The following GPR158 variants were observed in gnomAD, a reference collection of about 807,000 sequenced individuals.
The protein encoded by GPR158 is G protein-coupled receptor 158.
A neutral mutation model predicts 78.2 loss-of-function variants in GPR158; 30 were observed. That is an observed-to-expected ratio of 0.38 (90% CI 0.29 to 0.52). GPR158 has a LOEUF of 0.52. Among genes scored for constraint, GPR158 ranks in the 20% least tolerant of loss-of-function variants. The pLI is 0.83. For missense variants in GPR158, 1,463 were observed against 1,523.5 expected, an observed-to-expected ratio of 0.96 and a Z score of 0.66; for synonymous variants, 581 against 591.1, an observed-to-expected ratio of 0.98 and a Z score of 0.25.
intron 4 of GPR158, among the ~76,000 whole-genome samples, chr10:25,429,081 A>G (rs1411584816): frequency 6.6e-6 from 1 of 152,042 alleles, no homozygotes; most frequent in Non-Finnish European, 1.5e-5. Context: ...CAGGGTTTCT[A>G]CAGAGGATGA....
At chr10:25,254,061 T>G (rs1853854913) in intron 2 of GPR158, among the ~76,000 whole-genome samples, 1 of 152,314 alleles carries the variant, frequency 6.6e-6, no homozygotes, top group Admixed American at 6.5e-5. Context: ...TACAATTCCC[T>G]TATGGATCAT....
chr10:25,547,013 A>G (rs1171219397), intron 5 of GPR158, among the ~76,000 whole-genome samples: 3 of 152,192 alleles, frequency 2.0e-5, no homozygotes, highest in Non-Finnish European at 4.4e-5. Context: ...ACTTTTTCCT[A>G]AGAGTATTGA....
intron 5 of GPR158, among the ~76,000 whole-genome samples, chr10:25,517,619 A>G (rs1025169662): frequency 2.0e-5 from 3 of 152,168 alleles, no homozygotes; most frequent in Admixed American, 6.5e-5. Flanking sequence ...TTCTGCATCT[A>G]TTGAGATAAT....
intron 5 of GPR158, among the ~76,000 whole-genome samples, chr10:25,512,979 T>C (rs1437972506): frequency 2.0e-5 from 3 of 152,034 alleles, no homozygotes; most frequent in African/African-American, 7.2e-5. Flanking sequence ...CAGGGATATT[T>C]GTCTGTAGTT....
intron 2 of GPR158, among the ~76,000 whole-genome samples, chr10:25,297,685 T>G (rs528257182): frequency 6.6e-6 from 1 of 152,338 alleles, no homozygotes; most frequent in Admixed American, 6.5e-5. Context: ...GTTTAGTTAC[T>G]AGGCAACATA....
intron 5 of GPR158, among the ~76,000 whole-genome samples, chr10:25,474,818 T>G (rs1267935246): frequency 6.6e-6 from 1 of 152,132 alleles, no homozygotes; most frequent in Non-Finnish European, 1.5e-5. Context: ...ACTGTCCTGT[T>G]GAAGCACCCT....
chr10:25,240,504 G>A (rs552083094), intron 2 of GPR158, among the ~76,000 whole-genome samples: 5 of 152,188 alleles, frequency 3.3e-5, no homozygotes, highest in African/African-American at 1.2e-4. Context: ...ATCTCAAAGA[G>A]GTCACTTTGA....
At position 25,598,599 on chromosome 10, in the gene GPR158, C is replaced by T. The variant is rs376773343; in HGVS notation, c.2973C>T (p.Asn991=). 265 of 1,613,898 alleles carry T rather than the reference C, an allele frequency of 1.6e-4. No individual in the cohort carries two copies. The highest frequency in any genetic ancestry group is 2.0e-4 in the Non-Finnish European group (239 of 1,180,006). ...VNPTTANSDL[N]PGTTQMKDNF... Reference sequence around the variant, plus strand: ...CCACCACTGCCAATTCTGACCTGAACCCAGGCACCACCCAGATGAAGGACA... The same window carrying T: ...CCACCACTGCCAATTCTGACCTGAATCCAGGCACCACCCAGATGAAGGACA... Residue 991 remains asparagine, a synonymous_variant, in exon 11 of 11, where the codon AAC becomes AAT. Transcript: ENST00000376351.
intron 5 of GPR158, among the ~76,000 whole-genome samples, chr10:25,476,139 CAA>C (rs1231463154): frequency 1.3e-5 from 2 of 152,048 alleles, no homozygotes; most frequent in Non-Finnish European, 2.9e-5. Context: ...TACAGATTCT[CAA>C]AAGAGACGCA....
At chr10:25,366,930 G>C (rs766363281) in intron 2 of GPR158, among the ~76,000 whole-genome samples, 1 of 151,610 alleles carries the variant, frequency 6.6e-6, no homozygotes, top group Non-Finnish European at 1.5e-5. Flanking sequence ...TTATTCAGAC[G>C]GAAGAGTTCT....
intron 2 of GPR158, among the ~76,000 whole-genome samples, chr10:25,304,597 CTA>C (rs1211682539): frequency 6.6e-6 from 1 of 151,912 alleles, no homozygotes; most frequent in African/African-American, 2.4e-5. Flanking sequence ...ATATATAACT[CTA>C]TATATAGAGA....
intron 5 of GPR158, among the ~76,000 whole-genome samples, chr10:25,513,954 G>A (rs1836124766): frequency 6.6e-6 from 1 of 152,064 alleles, no homozygotes; most frequent in African/African-American, 2.4e-5. Flanking sequence ...GTCTGTCTTG[G>A]AGAATGTTCC....
intron 2 of GPR158, among the ~76,000 whole-genome samples, chr10:25,267,345 G>A (rs1421185656): frequency 6.6e-6 from 1 of 152,098 alleles, no homozygotes. Context: ...GCAGGAGAGA[G>A]AAGAATCAGT....
chr10:25,181,239 A>T (rs777542416), intron 1 of GPR158, among the ~76,000 whole-genome samples: 30 of 152,216 alleles, frequency 2.0e-4, no homozygotes, highest in Non-Finnish European at 3.8e-4. Flanking sequence ...TCTGCTGTGG[A>T]GGCTTTTAAG....
intron 2 of GPR158, among the ~76,000 whole-genome samples, chr10:25,317,662 G>C (rs1854875140): frequency 6.6e-6 from 1 of 151,138 alleles, no homozygotes; most frequent in Admixed American, 6.6e-5. Flanking sequence ...TTTGTGTTTA[G>C]GTTTAAATCA....
At chr10:25,490,587 C>A (rs1835793821) in intron 5 of GPR158, among the ~76,000 whole-genome samples, 1 of 149,428 alleles carries the variant, frequency 6.7e-6, no homozygotes, top group Non-Finnish European at 1.5e-5. Context: ...ATGATGATTT[C>A]CAATTTCATC....
At chr10:25,544,156 G>A (rs1004140638) in intron 5 of GPR158, among the ~76,000 whole-genome samples, 12 of 152,126 alleles carry the variant, frequency 7.9e-5, no homozygotes, top group Admixed American at 7.9e-4. Context: ...CAGCAATTAT[G>A]CAAGCTCTTC....
chr10:25,545,834 G>T (rs536287786), intron 5 of GPR158, among the ~76,000 whole-genome samples: 1 of 151,786 alleles, frequency 6.6e-6, no homozygotes, highest in East Asian at 1.9e-4. Flanking sequence ...ATCTCCTATT[G>T]CCAGGTACTA....
chr10:25,340,497 A>G (rs1443248385), intron 2 of GPR158, among the ~76,000 whole-genome samples: 1 of 152,094 alleles, frequency 6.6e-6, no homozygotes, highest in Admixed American at 6.6e-5. Flanking sequence ...GAAGTTAAAT[A>G]CAGCTTAAAA....
Sources: allele counts gnomAD v4.1 joint callset (sites outside exome capture counted in the v4.1 genomes callset), GRCh38; gene constraint gnomAD v4.1.1; transcripts MANE v1.5; gene names NCBI Gene and HGNC (gene_info 2026-07-23, HGNC 2026-07-21).